TBC1D1: variants seen among roughly 807,000 people sequenced by gnomAD.
TBC1D1 encodes the protein TBC1 domain family member 1, also known as TBC1 (tre-2/USP6, BUB2, cdc16) domain family, member 1.
Under a neutral mutation model 125.6 loss-of-function variants are expected in TBC1D1, and 89 were observed. The observed-to-expected ratio is 0.71, with a 90% CI of 0.60 to 0.85. The LOEUF (loss-of-function observed/expected upper bound fraction) is 0.85. TBC1D1 is among the 40% of genes least tolerant of loss of function. The probability of loss-of-function intolerance (pLI) is 0.00; values close to 1 mark genes in which losing one functional copy is unlikely to be tolerated. For synonymous variants in TBC1D1, 565 were observed against 564.1 expected, an observed-to-expected ratio of 1.00 and a Z score of -0.02; for missense variants, 1,377 against 1,469.2, an observed-to-expected ratio of 0.94 and a Z score of 1.03.
At chr4:37,899,069 A>C (rs1017339056) in intron 1 of TBC1D1, among the ~76,000 whole-genome samples, 5 of 152,114 alleles carry the variant, frequency 3.3e-5, no homozygotes, top group African/African-American at 1.2e-4. Context: ...TGATATGATA[A>C]ATTTTGTGTT....
At chr4:37,964,010 C>T (rs1422664876) in intron 2 of TBC1D1, among the ~76,000 whole-genome samples, 1 of 152,194 alleles carries the variant, frequency 6.6e-6, no homozygotes, top group East Asian at 1.9e-4. Flanking sequence ...GCATTTATCA[C>T]CCAGTTGTGC....
chr4:37,909,454 C>T (rs574450789), intron 2 of TBC1D1, among the ~76,000 whole-genome samples: 1 of 152,252 alleles, frequency 6.6e-6, no homozygotes, highest in Admixed American at 6.5e-5. Context: ...TTAATATATG[C>T]ACCATTACTT....
At chr4:38,100,923 T>C (rs1760203786) in intron 14 of TBC1D1, among the ~76,000 whole-genome samples, 1 of 152,210 alleles carries the variant, frequency 6.6e-6, no homozygotes, top group African/African-American at 2.4e-5. Context: ...TTGTTTGACA[T>C]TTCTGACATG....
chr4:37,979,496 TA>T (rs1273865038), intron 2 of TBC1D1, among the ~76,000 whole-genome samples: 2 of 152,202 alleles, frequency 1.3e-5, no homozygotes, highest in Non-Finnish European at 2.9e-5. Context: ...CACTTTACAT[TA>T]CAAACTAGGT....
At chr4:38,132,803 T>TG in intron 18 of TBC1D1, 1 of 109,332 alleles carries the variant, frequency 9.1e-6, no homozygotes, top group Non-Finnish European at 1.9e-5. Context: ...AAATGAGAGG[T>TG]TTTTTTTTTT....
chr4:38,090,135 ATATT>A lies in TBC1D1; in HGVS notation c.2236+19_2236+22del. 6.2e-7 allele frequency: 1 copy of A among 1,613,442 alleles called. No individual in the cohort carries two copies. The highest frequency in any genetic ancestry group is 8.5e-7 in the Non-Finnish European group (1 of 1,179,514). ...GCTCCAAGGTTGGTTTGCCATCTTG[ATATT>A]GAACAGGCCTGGTCTTATCTTGGCT... On this transcript the variant is annotated intron_variant, in intron 13 of 19. Coordinates refer to ENST00000261439, the MANE Select transcript of TBC1D1 (RefSeq NM_015173.4).
At chr4:37,910,131 T>A (rs1267478342) in intron 2 of TBC1D1, among the ~76,000 whole-genome samples, 3 of 152,258 alleles carry the variant, frequency 2.0e-5, no homozygotes, top group Non-Finnish European at 2.9e-5. Flanking sequence ...TTTACACATA[T>A]GACTTTATAT....
intron 2 of TBC1D1, among the ~76,000 whole-genome samples, chr4:37,912,768 G>A (rs989632125): frequency 6.6e-6 from 1 of 152,152 alleles, no homozygotes; most frequent in African/African-American, 2.4e-5. Flanking sequence ...CTTGGGAGGA[G>A]AGACTCAACT....
chr4:37,994,273 G>T (rs912093650), intron 2 of TBC1D1, among the ~76,000 whole-genome samples: 2 of 152,152 alleles, frequency 1.3e-5, no homozygotes, highest in Admixed American at 1.3e-4. Flanking sequence ...ATTCAAAGTG[G>T]AAATCTTTCT....
At chr4:37,941,284 C>A (rs1179605315) in intron 2 of TBC1D1, among the ~76,000 whole-genome samples, 1 of 152,158 alleles carries the variant, frequency 6.6e-6, no homozygotes, top group Non-Finnish European at 1.5e-5. Context: ...TTATCCATTT[C>A]TTCTAGATTT....
intron 12 of TBC1D1, among the ~76,000 whole-genome samples, chr4:38,083,531 G>C (rs2152528456): frequency 6.6e-6 from 1 of 152,330 alleles, no homozygotes; most frequent in Middle Eastern, 3.4e-3. Flanking sequence ...AATGGTAGTT[G>C]ACATTTTATT....
At chr4:38,051,899 T>C (rs551789914) in intron 11 of TBC1D1, 2 of 1,549,262 alleles carry the variant, frequency 1.3e-6, no homozygotes, top group Non-Finnish European at 8.7e-7. Flanking sequence ...TGCTGTTTAG[T>C]GTGGATCCTT....
chr4:37,962,823 TA>T (rs1442265059), intron 2 of TBC1D1, among the ~76,000 whole-genome samples: 1 of 152,174 alleles, frequency 6.6e-6, no homozygotes, highest in Non-Finnish European at 1.5e-5. Context: ...GGGAATTGAA[TA>T]AAAACTTGGA....
rs578219424 is a variant in TBC1D1 at position 37,959,245 on chromosome 4, C to CT, written c.418-55264_418-55263insT. Among the ~76,000 whole-genome samples, 1,271 of 151,694 alleles carry CT rather than the reference C, an allele frequency of 8.4e-3. 12 individuals are homozygous for CT. Among genetic ancestry groups the CT allele is most frequent in the African/African-American group, 0.029 (1,201 of 41,304 alleles). Reference sequence around the variant, plus strand: ...CCAAAAAGCTTAACCGATAGTCTTCCGTTGACCTCACCAATAACACAGTCG... The same window carrying CT: ...CCAAAAAGCTTAACCGATAGTCTTCCTGTTGACCTCACCAATAACACAGTCG... On this transcript the variant is annotated intron_variant, in intron 2 of 19. Transcript: ENST00000261439.
intron 2 of TBC1D1, among the ~76,000 whole-genome samples, chr4:37,973,002 A>G (rs903920920): frequency 1.3e-5 from 2 of 152,140 alleles, no homozygotes; most frequent in African/African-American, 2.4e-5. Context: ...ATAACAGAAA[A>G]TGTCTTTGTG....
intron 2 of TBC1D1, among the ~76,000 whole-genome samples, chr4:37,981,344 C>G (rs987118971): frequency 3.3e-5 from 5 of 152,184 alleles, no homozygotes; most frequent in African/African-American, 1.2e-4. Context: ...ATTGGTTTAT[C>G]TAGCCACCAT....
At chr4:38,094,322 T>G (rs1285179617) in intron 13 of TBC1D1, among the ~76,000 whole-genome samples, 1 of 152,206 alleles carries the variant, frequency 6.6e-6, no homozygotes, top group East Asian at 1.9e-4. Context: ...CTCAGACATT[T>G]GTGTTAAATC....
In TBC1D1 at chr4:38,110,775, C is replaced by T. The variant is rs1440712321; in HGVS notation, c.2558-4935C>T. ...CAGTTTAAAGAGGCAGGCCTCATATCCTGATAGATTTGTAGGAAGGATTGC... is the reference window on the plus strand; with the variant it reads ...CAGTTTAAAGAGGCAGGCCTCATATTCTGATAGATTTGTAGGAAGGATTGC... On this transcript the variant is annotated intron_variant, in intron 15 of 19. Coordinates refer to ENST00000261439, the MANE Select transcript of TBC1D1 (RefSeq NM_015173.4). The T allele has an allele frequency of 4.1e-6, 4 of 985,422 alleles. No homozygotes were observed. The Admixed American group carries it at 2.5e-4, about 61-fold the overall frequency. 61.0% of individuals were successfully genotyped at this position (985,422 alleles called of 1,614,324 possible).
At chr4:37,942,715 T>C (rs1725832324) in intron 2 of TBC1D1, among the ~76,000 whole-genome samples, 3 of 152,122 alleles carry the variant, frequency 2.0e-5, no homozygotes, top group Non-Finnish European at 4.4e-5. Flanking sequence ...ATTTTTTTTG[T>C]ATTTTTAGTA....
Sources: gnomAD v4.1 joint callset for allele counts (sites outside exome capture counted in the v4.1 genomes callset) on GRCh38, gnomAD v4.1.1 for gene constraint, MANE v1.5 for transcripts, NCBI Gene and HGNC (gene_info 2026-07-23, HGNC 2026-07-21) for gene names.